Variants in OR3A3 observed in about 807,000 individuals in gnomAD.
The protein encoded by OR3A3 is olfactory receptor family 3 subfamily A member 3.
For missense variants in OR3A3, 275 were observed against 391.4 expected (o/e 0.70, Z 2.51); for synonymous variants, 103 against 163.9 (o/e 0.63, Z 2.84).
At chr17:3,412,857 G>C (rs539624435) in intron 2 of OR3A3, among the ~76,000 whole-genome samples, 1 of 152,136 alleles carries the variant, frequency 6.6e-6, no homozygotes, top group Non-Finnish European at 1.5e-5. Flanking sequence ...CCACAACCTT[G>C]CACCCTGCAT....
chr17:3,420,401 A>G (rs901911), intron 2 of OR3A3, among the ~76,000 whole-genome samples, 179 bp from the exon 3 acceptor site: 2 of 152,262 alleles, frequency 1.3e-5, no homozygotes, highest in South Asian at 2.1e-4. Flanking sequence ...AGAGGATGAG[A>G]GGGACAAGGT....
At chr17:3,420,214 C>T (rs1359392325) in intron 2 of OR3A3, among the ~76,000 whole-genome samples, 2 of 152,138 alleles carry the variant, frequency 1.3e-5, no homozygotes, top group African/African-American at 4.8e-5. Flanking sequence ...AACAAATTAA[C>T]ATATCCATCA....
At chr17:3,416,492 A>G (rs1347937486) in intron 2 of OR3A3, among the ~76,000 whole-genome samples, 4 of 151,818 alleles carry the variant, frequency 2.6e-5, no homozygotes, top group African/African-American at 9.7e-5. Flanking sequence ...ATATTCTTGA[A>G]TAGTTTGATC....
exon 3 of OR3A3, chr17:3,421,236 C>T: frequency 6.2e-7 from 1 of 1,614,216 alleles, no homozygotes; most frequent in Non-Finnish European, 8.5e-7. Flanking sequence ...TGGTCTTCAT[C>T]AGTGTGTCCT....
exon 3 of OR3A3, chr17:3,420,712 G>C (rs2072426361): frequency 6.8e-7 from 1 of 1,479,594 alleles, no homozygotes; most frequent in African/African-American, 1.5e-5. Context: ...GGTCACAACT[G>C]GGGGCAACCT....
chr17:3,416,681 A>T (rs1371584566), intron 2 of OR3A3, among the ~76,000 whole-genome samples: 1 of 152,096 alleles, frequency 6.6e-6, no homozygotes, highest in African/African-American at 2.4e-5. Context: ...AGTTCAGAAA[A>T]ATAGAATTTT....
intron 2 of OR3A3, among the ~76,000 whole-genome samples, chr17:3,419,961 G>A (rs929594856): frequency 5.3e-5 from 8 of 151,944 alleles, no homozygotes; most frequent in Non-Finnish European, 1.0e-4. Context: ...TAGAGACGGG[G>A]TTTCGCTGTG....
Position 3,421,181 on chromosome 17 carries a change from AG to A in OR3A3, c.597del (p.Glu199AspfsTer6), listed in dbSNP as rs779339364. On this transcript the variant is annotated frameshift_variant, in exon 3 of 3. Transcript: ENST00000641141. LOFTEE classifies it low-confidence loss of function (END_TRUNC). ...TCCTGCTCCAGCACCCAACTCAATGAGCTGCTGCTCTTTGTAGCAGCAGCCT... is the reference window on the plus strand; with the variant it reads ...TCCTGCTCCAGCACCCAACTCAATGACTGCTGCTCTTTGTAGCAGCAGCCT... 6.2e-7 allele frequency: 1 copy of A among 1,613,982 alleles called. No individual in the cohort carries two copies. Among genetic ancestry groups the A allele is most frequent in the African/African-American group, 1.3e-5 (1 of 74,894 alleles).
chr17:3,419,184 C>T (rs1343897838), intron 2 of OR3A3, among the ~76,000 whole-genome samples: 2 of 152,312 alleles, frequency 1.3e-5, no homozygotes, highest in Non-Finnish European at 2.9e-5. Flanking sequence ...TGAATTGACA[C>T]TTCATAGTGT....
chr17:3,412,581 C>T (rs1205151379), intron 2 of OR3A3, among the ~76,000 whole-genome samples: 1 of 141,478 alleles, frequency 7.1e-6, no homozygotes, highest in Non-Finnish European at 1.6e-5. Flanking sequence ...CCCCAGTGGG[C>T]CTCGTGGGGA....
exon 3 of OR3A3, chr17:3,423,938 G>T: frequency 7.4e-6 from 1 of 135,806 alleles, no homozygotes; most frequent in African/African-American, 2.8e-5. Flanking sequence ...AGAGCGAAAT[G>T]CCATCTCAAA....
chr17:3,416,464 T>C (rs913916456), intron 2 of OR3A3, among the ~76,000 whole-genome samples: 1 of 148,076 alleles, frequency 6.8e-6, no homozygotes, highest in African/African-American at 2.5e-5. Context: ...AAAAAAAAAA[T>C]GGAAGCTTTC....
intron 2 of OR3A3, among the ~76,000 whole-genome samples, chr17:3,419,607 A>C (rs2150681703): frequency 6.6e-6 from 1 of 152,330 alleles, no homozygotes; most frequent in Non-Finnish European, 1.5e-5. Flanking sequence ...TATGCCAATC[A>C]ATATCACACT....
At chr17:3,421,542 C>T (rs1245412640) in exon 3 of OR3A3, 1 of 1,517,594 alleles carries the variant, frequency 6.6e-7, no homozygotes, top group Non-Finnish European at 8.8e-7. Flanking sequence ...GAGAGATGAC[C>T]TCCTTTCCTG....
At chr17:3,417,396 C>T (rs965038876) in intron 2 of OR3A3, among the ~76,000 whole-genome samples, 62 of 152,002 alleles carry the variant, frequency 4.1e-4, no homozygotes, top group African/African-American at 1.4e-3. Context: ...TCTTTCTTCT[C>T]CTCTTAACTT....
At chr17:3,412,995 G>A (rs928277725) in intron 2 of OR3A3, among the ~76,000 whole-genome samples, 5 of 152,172 alleles carry the variant, frequency 3.3e-5, no homozygotes, top group African/African-American at 1.2e-4. Flanking sequence ...TTGTACGAAC[G>A]TTAGAACAAT....
chr17:3,420,137 G>T (rs1004645878), intron 2 of OR3A3, among the ~76,000 whole-genome samples: 1 of 151,676 alleles, frequency 6.6e-6, no homozygotes, highest in African/African-American at 2.4e-5. Flanking sequence ...ATTTTATTGC[G>T]TATATTTAAG....
At chr17:3,422,444 T>C (rs972646266) in exon 3 of OR3A3, 2 of 152,250 alleles carry the variant, frequency 1.3e-5, no homozygotes, top group African/African-American at 4.8e-5. Context: ...CAGAATTTTA[T>C]TGTAGAATAC....
chr17:3,418,273 G>T (rs1458511174), intron 2 of OR3A3, among the ~76,000 whole-genome samples: 1 of 152,004 alleles, frequency 6.6e-6, no homozygotes, highest in African/African-American at 2.4e-5. Flanking sequence ...GTTCCCTTTT[G>T]AAGTCTAAAT....
Sources: allele counts gnomAD v4.1 joint callset (sites outside exome capture counted in the v4.1 genomes callset), GRCh38; gene constraint gnomAD v4.1.1; transcripts MANE v1.5; gene names NCBI Gene and HGNC (gene_info 2026-07-23, HGNC 2026-07-21).